Variants in ZCWPW2 observed in about 807,000 individuals in gnomAD.
ZCWPW2 encodes zinc finger CW-type and PWWP domain containing 2.
In ZCWPW2, 45 loss-of-function variants were observed where a neutral mutation model predicts 46.6. The ratio of observed to expected loss-of-function variants is 0.96; its 90% CI spans 0.76 to 1.24. The LOEUF (loss-of-function observed/expected upper bound fraction) is 1.24, where lower values mean the gene tolerates loss of function less well. ZCWPW2 is among the 50% of genes most tolerant of loss of function. The pLI is 0.00. For synonymous variants in ZCWPW2, 152 were observed against 137.1 expected, an observed-to-expected ratio of 1.11 and a Z score of -0.76; for missense variants, 429 against 403.9, an observed-to-expected ratio of 1.06 and a Z score of -0.53.
rs144793346 is a variant in ZCWPW2 at position 28,355,785 on chromosome 3, G to C, written c.-134+6582G>C. On this transcript the variant is annotated intron_variant, in intron 1 of 9. Coordinates refer to ENST00000383768, the MANE Select transcript of ZCWPW2 (RefSeq NM_001040432.4). The stretch of plus-strand genomic sequence containing the variant: ...TATTTAATAAATGGTGCTGGGAAAA[G>C]TGGCTAGCCATATGTAAAAGCTGAA... Among the ~76,000 whole-genome samples the C allele has an allele frequency of 3.1e-3, 474 of 152,296 alleles. 1 individual carries two copies. Among genetic ancestry groups the C allele is most frequent in the African/African-American group, 8.4e-3 (351 of 41,572 alleles).
chr3:28,461,845 G>C (rs1188311632), intron 4 of ZCWPW2: 1 of 152,076 alleles, frequency 6.6e-6, no homozygotes, highest in Non-Finnish European at 1.5e-5. Context: ...GAAAACAATA[G>C]GCAGAGTTAA....
intron 3 of ZCWPW2, among the ~76,000 whole-genome samples, chr3:28,431,556 G>A (rs962721888): frequency 1.1e-4 from 16 of 151,966 alleles, no homozygotes; most frequent in Admixed American, 5.2e-4. Context: ...TCATTTTAAC[G>A]TCACTACCTT....
At chr3:28,361,313 C>G (rs550071483) in intron 1 of ZCWPW2, among the ~76,000 whole-genome samples, 4 of 152,286 alleles carry the variant, frequency 2.6e-5, no homozygotes, top group Admixed American at 2.6e-4. Flanking sequence ...CTTGAGAAAA[C>G]TGGATATTCA....
chr3:28,516,039 A>C (rs1257335403), intron 8 of ZCWPW2, among the ~76,000 whole-genome samples: 1 of 151,940 alleles, frequency 6.6e-6, no homozygotes, highest in Non-Finnish European at 1.5e-5. Flanking sequence ...TCAGGAGTTC[A>C]AGACCAGCCT....
intron 1 of ZCWPW2, among the ~76,000 whole-genome samples, chr3:28,354,234 C>T (rs1360938910): frequency 6.6e-6 from 1 of 151,920 alleles, no homozygotes; most frequent in South Asian, 2.1e-4. Context: ...CACCTTTAGG[C>T]AAATAAACTA....
chr3:28,490,696 A>G (rs1200272622), intron 5 of ZCWPW2, among the ~76,000 whole-genome samples: 4 of 151,934 alleles, frequency 2.6e-5, no homozygotes, highest in African/African-American at 9.7e-5. Flanking sequence ...GAGGGTGAGG[A>G]TTGAAAAACT....
intron 1 of ZCWPW2, among the ~76,000 whole-genome samples, chr3:28,377,864 T>C (rs1705551690): frequency 6.6e-6 from 1 of 152,046 alleles, no homozygotes. Flanking sequence ...GAGTTAGCAT[T>C]TTAGCACAAT....
chr3:28,493,228 C>T lies in ZCWPW2; in HGVS notation c.657+1055C>T, dbSNP rs1321087785. Among the ~76,000 whole-genome samples, 4 of 140,348 alleles carry T rather than the reference C, an allele frequency of 2.9e-5. 1 individual carries two copies. The highest frequency in any genetic ancestry group is 8.0e-5 in the African/African-American group (3 of 37,688). The allele number at this position is 140,348 out of a possible 152,430, so 92.1% of individuals were successfully genotyped here. On this transcript the variant is annotated intron_variant, in intron 6 of 9. Transcript: ENST00000383768. Reference sequence around the variant, plus strand: ...GTTAGTTACATATGTATACATGTGCCATGCTGGTGCGCTGCAGCCACTAAC... The same window carrying T: ...GTTAGTTACATATGTATACATGTGCTATGCTGGTGCGCTGCAGCCACTAAC...
intron 4 of ZCWPW2, among the ~76,000 whole-genome samples, chr3:28,442,997 A>G (rs1485208191): frequency 6.6e-6 from 1 of 152,136 alleles, no homozygotes; most frequent in Non-Finnish European, 1.5e-5. Flanking sequence ...CAGGTAGCCA[A>G]TGTGGGGGTT....
chr3:28,350,134 A>AT (rs1704485996), intron 1 of ZCWPW2, among the ~76,000 whole-genome samples: 1 of 151,922 alleles, frequency 6.6e-6, no homozygotes, highest in African/African-American at 2.4e-5. Context: ...CAGTCCTTAA[A>AT]TTTTTTTATT....
intron 4 of ZCWPW2, chr3:28,447,786 G>A (rs1487861660): frequency 2.6e-6 from 2 of 776,746 alleles, no homozygotes; most frequent in Non-Finnish European, 4.5e-6. Context: ...AATAAAACTA[G>A]GCTTTCCTGA....
At chr3:28,356,425 C>T (rs141136590) in intron 1 of ZCWPW2, among the ~76,000 whole-genome samples, 314 of 152,312 alleles carry the variant, frequency 2.1e-3, no homozygotes, top group Non-Finnish European at 3.8e-3. Context: ...ACTAGTTCAA[C>T]TGCTGTGGAA....
At chr3:28,473,554 G>A (rs1465316065) in intron 4 of ZCWPW2, among the ~76,000 whole-genome samples, 3 of 151,184 alleles carry the variant, frequency 2.0e-5, no homozygotes, top group African/African-American at 4.9e-5. Flanking sequence ...AAAGGAAATC[G>A]GTTTATTGAA....
At chr3:28,367,138 C>A (rs1334132133) in intron 1 of ZCWPW2, among the ~76,000 whole-genome samples, 1 of 151,974 alleles carries the variant, frequency 6.6e-6, no homozygotes. Context: ...TTGTGTCTCT[C>A]TTTCCTTCAG....
At chr3:28,491,865 G>A (rs961684365) in intron 5 of ZCWPW2, among the ~76,000 whole-genome samples, 3 of 152,048 alleles carry the variant, frequency 2.0e-5, no homozygotes, top group Non-Finnish European at 2.9e-5. Context: ...ACACCAACTT[G>A]AGGACATCCA....
intron 6 of ZCWPW2, among the ~76,000 whole-genome samples, chr3:28,492,893 A>C (rs1699859818): frequency 6.6e-6 from 1 of 152,030 alleles, no homozygotes; most frequent in African/African-American, 2.4e-5. Context: ...TCCCGTGTTG[A>C]GTGGTGAGGC....
At chr3:28,504,706 A>G (rs1700233444) in intron 6 of ZCWPW2, among the ~76,000 whole-genome samples, 1 of 152,118 alleles carries the variant, frequency 6.6e-6, no homozygotes, top group African/African-American at 2.4e-5. Context: ...AAAAATCTGT[A>G]CCCAAGTAGG....
intron 4 of ZCWPW2, among the ~76,000 whole-genome samples, chr3:28,451,937 T>C (rs1258827256): frequency 4.6e-5 from 7 of 152,220 alleles, no homozygotes; most frequent in Non-Finnish European, 4.4e-5. Context: ...TTTATTAAAC[T>C]AATCCCATAG....
chr3:28,486,740 A>T (rs1030954483), intron 5 of ZCWPW2, among the ~76,000 whole-genome samples: 2 of 151,988 alleles, frequency 1.3e-5, no homozygotes, highest in Non-Finnish European at 2.9e-5. Flanking sequence ...CCAGGTATTC[A>T]TCTGTAGTCC....
Sources: gnomAD v4.1 joint callset for allele counts (sites outside exome capture counted in the v4.1 genomes callset) on GRCh38, gnomAD v4.1.1 for gene constraint, MANE v1.5 for transcripts, NCBI Gene and HGNC (gene_info 2026-07-23, HGNC 2026-07-21) for gene names.